The following THRB variants were observed in gnomAD, a reference collection of about 807,000 sequenced individuals.
THRB encodes the protein thyroid hormone receptor beta, also known as nuclear receptor subfamily 1 group A member 2.
A neutral mutation model predicts 47.8 loss-of-function variants in THRB; 12 were observed. The observed-to-expected ratio is 0.25, with a 90% CI of 0.16 to 0.41. THRB has a LOEUF of 0.41. Among genes scored for constraint, THRB ranks in the 10% least tolerant of loss-of-function variants. THRB has a pLI of 1.00. For synonymous variants in THRB, 218 were observed against 212.2 expected (o/e 1.03, Z -0.24); for missense variants, 348 against 589.2 (o/e 0.59, Z 4.24).
At chr3:24,447,022 GT>G (rs2072159021) in intron 1 of THRB, among the ~76,000 whole-genome samples, 2 of 152,130 alleles carry the variant, frequency 1.3e-5, no homozygotes, top group Non-Finnish European at 2.9e-5. Context: ...CGGGGACACA[GT>G]TATGCAAATA....
chr3:24,174,179 C>T (rs887634579), intron 5 of THRB, among the ~76,000 whole-genome samples: 2 of 151,934 alleles, frequency 1.3e-5, no homozygotes, highest in African/African-American at 4.8e-5. Flanking sequence ...CTAATGTAGC[C>T]ACATTTTTTT....
At chr3:24,325,085 T>C (rs2058720998) in intron 2 of THRB, among the ~76,000 whole-genome samples, 2 of 152,234 alleles carry the variant, frequency 1.3e-5, no homozygotes, top group African/African-American at 4.8e-5. Flanking sequence ...CTGTCTTTTA[T>C]AATTTTACAG....
At chr3:24,304,482 AT>A (rs1460109437) in intron 2 of THRB, among the ~76,000 whole-genome samples, 2 of 152,126 alleles carry the variant, frequency 1.3e-5, no homozygotes, top group Non-Finnish European at 2.9e-5. Context: ...TCTAGTATTA[AT>A]AAAAAAGAGA....
intron 1 of THRB, among the ~76,000 whole-genome samples, chr3:24,442,464 G>A (rs1199944571): frequency 1.3e-5 from 2 of 152,216 alleles, no homozygotes; most frequent in African/African-American, 4.8e-5. Context: ...TGACCCTTGA[G>A]GCACTCAATA....
chr3:24,443,523 C>A (rs1291571756), intron 1 of THRB, among the ~76,000 whole-genome samples: 3 of 151,952 alleles, frequency 2.0e-5, no homozygotes, highest in Non-Finnish European at 2.9e-5. Flanking sequence ...AAAAATTCAA[C>A]TAAAGACCAA....
rs1392689727 is a variant in THRB at position 24,464,726 on chromosome 3, T to A, written c.-261+29926A>T. On this transcript the variant is annotated intron_variant, in intron 1 of 10. Coordinates refer to ENST00000646209, the MANE Select transcript of THRB (RefSeq NM_001354712.2). ...GTTTCTTTCCTGATCTCTATTGAAT[T>A]GATTATTGAATTTATTCTCCTCTAC... Among the ~76,000 whole-genome samples the A allele has an allele frequency of 5.9e-5, 9 of 152,346 alleles. No individual in the cohort carries two copies. The East Asian group carries it at 1.5e-3, about 26-fold the overall frequency.
intron 5 of THRB, among the ~76,000 whole-genome samples, chr3:24,157,615 G>C (rs932349297): frequency 6.6e-6 from 1 of 152,096 alleles, no homozygotes; most frequent in Non-Finnish European, 1.5e-5. Context: ...CTGGAGCCTT[G>C]AACTCCTGGG....
intron 4 of THRB, among the ~76,000 whole-genome samples, chr3:24,198,141 G>C (rs1202676435): frequency 3.3e-5 from 5 of 152,164 alleles, no homozygotes; most frequent in Admixed American, 1.3e-4. Flanking sequence ...GTGCCTGCTC[G>C]CTTCCATTTA....
At chr3:24,435,549 T>C (rs577592866) in intron 1 of THRB, among the ~76,000 whole-genome samples, 1 of 152,260 alleles carries the variant, frequency 6.6e-6, no homozygotes, top group African/African-American at 2.4e-5. Flanking sequence ...CCCCTCTCCC[T>C]AACTTGATGA....
chr3:24,226,488 A>G (rs1025617664), intron 4 of THRB, among the ~76,000 whole-genome samples: 4 of 152,162 alleles, frequency 2.6e-5, no homozygotes, highest in African/African-American at 9.7e-5. Flanking sequence ...AAATAGAACT[A>G]CAATTAGTTT....
At chr3:24,437,300 G>C (rs62255437) in intron 1 of THRB, among the ~76,000 whole-genome samples, 12,246 of 151,816 alleles carry the variant, frequency 0.081, 696 homozygotes, top group Middle Eastern at 0.18. Context: ...GACAAATATT[G>C]CATGTTCTCA....
rs146241225 is a variant in THRB, at chr3:24,269,079, A to T, written c.-43+28147T>A. ...CATGGAATTATGGCAATATCAACAT[A>T]TTGCTTCATGACCAACATATTGCTT... On this transcript the variant is annotated intron_variant, in intron 3 of 10. Transcript: ENST00000646209. Among the ~76,000 whole-genome samples, 381 of 152,290 alleles carry T rather than the reference A, an allele frequency of 2.5e-3. 1 individual carries two copies. Among genetic ancestry groups the T allele is most frequent in the Non-Finnish European group, 4.4e-3 (301 of 68,018 alleles).
chr3:24,325,513 C>A (rs909595929), intron 2 of THRB, among the ~76,000 whole-genome samples: 1 of 152,160 alleles, frequency 6.6e-6, no homozygotes, highest in African/African-American at 2.4e-5. Flanking sequence ...AGGGCAAAAC[C>A]CCATCCCTAT....
intron 1 of THRB, among the ~76,000 whole-genome samples, chr3:24,484,287 C>T (rs552537065): frequency 6.6e-6 from 1 of 152,116 alleles, no homozygotes; most frequent in African/African-American, 2.4e-5. Flanking sequence ...ATATAATTTA[C>T]TTTTTCATGG....
intron 5 of THRB, chr3:24,165,434 G>T: frequency 1.5e-6 from 1 of 688,674 alleles, no homozygotes; most frequent in Non-Finnish European, 2.6e-6. Flanking sequence ...CACCCTGAGA[G>T]CTGGGCATAT....
At chr3:24,329,481 G>A (rs911663701) in intron 2 of THRB, among the ~76,000 whole-genome samples, 1 of 152,156 alleles carries the variant, frequency 6.6e-6, no homozygotes, top group African/African-American at 2.4e-5. Flanking sequence ...AGAACATCAT[G>A]CATATTTATA....
intron 2 of THRB, among the ~76,000 whole-genome samples, chr3:24,316,170 A>G (rs948955799): frequency 3.3e-5 from 5 of 152,174 alleles, no homozygotes; most frequent in Non-Finnish European, 7.4e-5. Flanking sequence ...TAAACCTGAC[A>G]AAGTGTCTTT....
intron 3 of THRB, among the ~76,000 whole-genome samples, chr3:24,249,457 C>G (rs562487859): frequency 6.6e-6 from 1 of 152,056 alleles, no homozygotes; most frequent in East Asian, 1.9e-4. Flanking sequence ...AAGAATTAAA[C>G]TCTTAGAGCG....
intron 1 of THRB, among the ~76,000 whole-genome samples, chr3:24,399,625 C>G (rs1030255972): frequency 6.6e-6 from 1 of 152,044 alleles, no homozygotes; most frequent in Admixed American, 6.6e-5. Flanking sequence ...AACCCTCATA[C>G]GATCTTCTAG....
Sources: gnomAD v4.1 joint callset for allele counts (sites outside exome capture counted in the v4.1 genomes callset) on GRCh38, gnomAD v4.1.1 for gene constraint, MANE v1.5 for transcripts, NCBI Gene and HGNC (gene_info 2026-07-23, HGNC 2026-07-21) for gene names.